The following MAML3 variants were observed in gnomAD, a reference collection of about 807,000 sequenced individuals.
MAML3 encodes mastermind-like protein 3.
A neutral mutation model predicts 101.9 loss-of-function variants in MAML3; 27 were observed. The ratio of observed to expected loss-of-function variants is 0.27; its 90% CI spans 0.20 to 0.37. The LOEUF is 0.37. Among genes scored for constraint, MAML3 ranks in the 10% least tolerant of loss-of-function variants. The pLI is 1.00. For synonymous variants in MAML3, 501 were observed against 555.9 expected (o/e 0.90, Z 1.39); for missense variants, 1,316 against 1,444.9 (o/e 0.91, Z 1.45).
intron 2 of MAML3, among the ~76,000 whole-genome samples, chr4:139,842,865 G>T (rs1272651718): frequency 1.6e-5 from 2 of 124,314 alleles, no homozygotes; most frequent in South Asian, 5.7e-4. Flanking sequence ...TGTAACCTCC[G>T]CCTCCTGGTT....
At chr4:139,761,715 C>T (rs914596980) in intron 2 of MAML3, among the ~76,000 whole-genome samples, 1 of 151,940 alleles carries the variant, frequency 6.6e-6, no homozygotes, top group African/African-American at 2.4e-5. Context: ...ACAGGCCCCT[C>T]AACAGATGCC....
intron 1 of MAML3, among the ~76,000 whole-genome samples, chr4:140,035,837 A>G (rs1404340238): frequency 1.3e-5 from 2 of 152,120 alleles, no homozygotes; most frequent in Admixed American, 1.3e-4. Flanking sequence ...GTTTAGCACC[A>G]AATTGCTCTA....
chr4:139,931,074 T>C (rs1188690374), intron 1 of MAML3, among the ~76,000 whole-genome samples: 1 of 152,098 alleles, frequency 6.6e-6, no homozygotes, highest in Non-Finnish European at 1.5e-5. Flanking sequence ...GTGTCCCAAG[T>C]TGTTGGGAAG....
Position 139,910,810 on chromosome 4 carries a change from A to C in MAML3, c.469-19843T>G, listed in dbSNP as rs1267994582. On this transcript the variant is annotated intron_variant, in intron 1 of 4. Coordinates refer to ENST00000509479, the MANE Select transcript of MAML3 (RefSeq NM_018717.5). ...AGGACCTATTGACACTAAGGAAGGA[A>C]GGACAAGTGAAAATGTGTGTTGGAA... 2.0e-5 allele frequency among the ~76,000 whole-genome samples: 3 copies of C among 152,210 alleles called. 1 individual carries two copies. The highest frequency in any genetic ancestry group is 2.4e-5 in the African/African-American group (1 of 41,446).
At chr4:139,769,848 C>A (rs536517884) in intron 2 of MAML3, among the ~76,000 whole-genome samples, 1 of 151,950 alleles carries the variant, frequency 6.6e-6, no homozygotes, top group South Asian at 2.1e-4. Context: ...CTCCTGACCT[C>A]AGGTGATCCA....
At chr4:139,884,657 G>A (rs1578646251) in intron 2 of MAML3, among the ~76,000 whole-genome samples, 5 of 152,294 alleles carry the variant, frequency 3.3e-5, no homozygotes, top group Admixed American at 3.3e-4. Flanking sequence ...TGCCTTCCCA[G>A]CAATCTCACT....
chr4:140,145,871 C>CTT (rs1320602930), intron 1 of MAML3, among the ~76,000 whole-genome samples: 1 of 32,676 alleles, frequency 3.1e-5, no homozygotes, highest in Admixed American at 4.3e-4. Context: ...CCTTTTTTTT[C>CTT]TTTTTTCTTT....
At chr4:139,913,387 C>A (rs1386290489) in intron 1 of MAML3, among the ~76,000 whole-genome samples, 1 of 152,118 alleles carries the variant, frequency 6.6e-6, no homozygotes, top group Non-Finnish European at 1.5e-5. Context: ...AAAGACATAT[C>A]TAATTTTTAA....
chr4:139,824,617 G>A (rs1431632303), intron 2 of MAML3, among the ~76,000 whole-genome samples: 2 of 152,234 alleles, frequency 1.3e-5, no homozygotes, highest in East Asian at 3.8e-4. Flanking sequence ...AAGGGTCACA[G>A]ATGTTGATCA....
intron 1 of MAML3, among the ~76,000 whole-genome samples, chr4:139,931,235 C>T (rs1046356484): frequency 1.3e-5 from 2 of 152,144 alleles, no homozygotes; most frequent in Admixed American, 6.5e-5. Flanking sequence ...CGCCACACAG[C>T]CTCGCTCTTC....
At chr4:139,892,524 A>G (rs1732520338) in intron 1 of MAML3, among the ~76,000 whole-genome samples, 1 of 148,202 alleles carries the variant, frequency 6.7e-6, no homozygotes, top group African/African-American at 2.5e-5. Context: ...CTTTGCCTCC[A>G]TTCATTTGCT....
intron 2 of MAML3, among the ~76,000 whole-genome samples, chr4:139,756,775 A>G (rs1195821540): frequency 6.6e-6 from 1 of 152,196 alleles, no homozygotes; most frequent in Non-Finnish European, 1.5e-5. Context: ...GAATGGCAGC[A>G]CACAATATTT....
At chr4:140,115,514 G>A (rs978976552) in intron 1 of MAML3, among the ~76,000 whole-genome samples, 1 of 152,170 alleles carries the variant, frequency 6.6e-6, no homozygotes, top group Non-Finnish European at 1.5e-5. Flanking sequence ...ATTAATGAGT[G>A]CAGGAGACTA....
intron 1 of MAML3, among the ~76,000 whole-genome samples, chr4:139,942,331 C>CG (rs1019185061): frequency 1.3e-5 from 2 of 152,138 alleles, no homozygotes; most frequent in African/African-American, 4.8e-5. Context: ...CCACTTACAG[C>CG]GTCATGTCAT....
chr4:139,778,738 A>G (rs1730139027), intron 2 of MAML3, among the ~76,000 whole-genome samples: 1 of 152,114 alleles, frequency 6.6e-6, no homozygotes, highest in South Asian at 2.1e-4. Context: ...TAATCCCAGC[A>G]TTTTGGGAGG....
intron 3 of MAML3, among the ~76,000 whole-genome samples, chr4:139,728,236 A>G (rs933848318): frequency 7.9e-5 from 12 of 152,268 alleles, no homozygotes; most frequent in African/African-American, 2.9e-4. Context: ...AACAAAAAAA[A>G]GTTGAGCACT....
intron 1 of MAML3, among the ~76,000 whole-genome samples, chr4:139,958,579 G>T (rs1425911209): frequency 1.3e-5 from 2 of 152,178 alleles, no homozygotes; most frequent in African/African-American, 2.4e-5. Context: ...GAGAGAGGTG[G>T]CATTGAAGCA....
intron 1 of MAML3, among the ~76,000 whole-genome samples, chr4:140,074,877 T>C (rs529750709): frequency 3.9e-5 from 6 of 152,336 alleles, no homozygotes; most frequent in African/African-American, 1.4e-4. Context: ...GAATATTGTA[T>C]AAAATTACCA....
intron 1 of MAML3, among the ~76,000 whole-genome samples, chr4:139,937,089 T>C (rs1335805988): frequency 1.3e-5 from 2 of 152,252 alleles, no homozygotes; most frequent in Non-Finnish European, 2.9e-5. Context: ...CTCATAGTGC[T>C]ATTTGCTAAC....
Sources: gnomAD v4.1 joint callset for allele counts (sites outside exome capture counted in the v4.1 genomes callset) on GRCh38, gnomAD v4.1.1 for gene constraint, MANE v1.5 for transcripts, NCBI Gene and HGNC (gene_info 2026-07-23, HGNC 2026-07-21) for gene names.